The following CNTNAP2 variants were observed in gnomAD, a reference collection of about 807,000 sequenced individuals.
CNTNAP2 encodes contactin associated protein 2.
Under a neutral mutation model 155.2 loss-of-function variants are expected in CNTNAP2, and 98 were observed. The observed-to-expected ratio is 0.63, with a 90% CI of 0.54 to 0.75. CNTNAP2 has a LOEUF of 0.75. CNTNAP2 is among the 30% of genes least tolerant of loss of function. CNTNAP2 has a pLI of 0.00. For missense variants in CNTNAP2, 1,727 were observed against 1,688.1 expected, an observed-to-expected ratio of 1.02 and a Z score of -0.40; for synonymous variants, 651 against 631.2, an observed-to-expected ratio of 1.03 and a Z score of -0.47.
intron 1 of CNTNAP2, among the ~76,000 whole-genome samples, chr7:146,371,582 G>A (rs1406212285): frequency 1.3e-5 from 2 of 151,362 alleles, no homozygotes; most frequent in East Asian, 2.0e-4. Context: ...TTTCACCATG[G>A]TCTCGATCTC....
chr7:148,260,699 C>T (rs1796542342), intron 20 of CNTNAP2, among the ~76,000 whole-genome samples: 1 of 152,182 alleles, frequency 6.6e-6, no homozygotes, highest in South Asian at 2.1e-4. Flanking sequence ...TGAGGGAGCC[C>T]ATCCAGGGAC....
chr7:147,032,169 C>T (rs570197263), intron 3 of CNTNAP2, among the ~76,000 whole-genome samples: 50 of 152,246 alleles, frequency 3.3e-4, no homozygotes, highest in Non-Finnish European at 5.3e-4. Flanking sequence ...AAAAAAATGA[C>T]GTATTGCTCC....
intron 4 of CNTNAP2, among the ~76,000 whole-genome samples, chr7:147,102,971 T>C (rs1800685814): frequency 6.6e-6 from 1 of 152,188 alleles, no homozygotes; most frequent in Non-Finnish European, 1.5e-5. Context: ...TTCATCTGAC[T>C]ATTGAAACCT....
At chr7:146,703,446 A>C (rs1160618759) in intron 1 of CNTNAP2, among the ~76,000 whole-genome samples, 1 of 152,158 alleles carries the variant, frequency 6.6e-6, no homozygotes, top group African/African-American at 2.4e-5. Context: ...AATATTAATT[A>C]GTCTCCAAAC....
At chr7:147,457,507 T>TTGG (rs979282983) in intron 10 of CNTNAP2, among the ~76,000 whole-genome samples, 11 of 494 alleles carry the variant, frequency 0.022, no homozygotes, top group African/African-American at 0.12. Context: ...TACTGTATAT[T>TTGG]TAGTTCATAA....
At chr7:146,569,293 A>G (rs1798405559) in intron 1 of CNTNAP2, among the ~76,000 whole-genome samples, 1 of 152,164 alleles carries the variant, frequency 6.6e-6, no homozygotes, top group Non-Finnish European at 1.5e-5. Context: ...TGTTGGGATT[A>G]CAGGCGTGAG....
intron 1 of CNTNAP2, among the ~76,000 whole-genome samples, chr7:146,654,846 G>T (rs1241880005): frequency 1.3e-5 from 2 of 152,028 alleles, no homozygotes; most frequent in African/African-American, 4.8e-5. Flanking sequence ...TTTGTTATGA[G>T]ATCATATTAT....
At chr7:146,455,525 C>T (rs1044063266) in intron 1 of CNTNAP2, among the ~76,000 whole-genome samples, 3 of 152,134 alleles carry the variant, frequency 2.0e-5, no homozygotes, top group East Asian at 3.9e-4. Flanking sequence ...GGTCAGGCAT[C>T]TGGTTAAGGA....
chr7:146,399,797 C>T (rs762160353), intron 1 of CNTNAP2, among the ~76,000 whole-genome samples: 3 of 152,088 alleles, frequency 2.0e-5, no homozygotes, highest in Non-Finnish European at 4.4e-5. Flanking sequence ...GTGTACAGGG[C>T]TCCCCACCGC....
chr7:147,418,266 C>A (rs1295528120), intron 10 of CNTNAP2, among the ~76,000 whole-genome samples: 1 of 152,158 alleles, frequency 6.6e-6, no homozygotes, highest in East Asian at 1.9e-4. Context: ...AATGAAAGCA[C>A]AGCTTTTACT....
At chr7:146,121,354 CAT>C (rs779390989) in intron 1 of CNTNAP2, among the ~76,000 whole-genome samples, 5 of 151,924 alleles carry the variant, frequency 3.3e-5, no homozygotes, top group Non-Finnish European at 7.4e-5. Flanking sequence ...CATGTCTACA[CAT>C]GTCATCTGTT....
intron 21 of CNTNAP2, among the ~76,000 whole-genome samples, chr7:148,309,184 A>C (rs191920206): frequency 6.6e-6 from 1 of 152,176 alleles, no homozygotes; most frequent in Non-Finnish European, 1.5e-5. Flanking sequence ...ATTCTTCTCT[A>C]TACAGGGAAA....
At chr7:147,283,994 A>G (rs182987242) in intron 8 of CNTNAP2, among the ~76,000 whole-genome samples, 5 of 150,758 alleles carry the variant, frequency 3.3e-5, no homozygotes, top group Admixed American at 2.0e-4. Flanking sequence ...CATTTTCCAC[A>G]TGTAATTTTC....
intron 1 of CNTNAP2, among the ~76,000 whole-genome samples, chr7:146,455,675 C>G (rs953782101): frequency 7.2e-5 from 11 of 152,248 alleles, no homozygotes; most frequent in African/African-American, 2.6e-4. Context: ...AAAATAAAAA[C>G]TCATTTTACA....
chr7:146,338,473 G>C (rs1801317239), intron 1 of CNTNAP2, among the ~76,000 whole-genome samples: 1 of 152,132 alleles, frequency 6.6e-6, no homozygotes, highest in Non-Finnish European at 1.5e-5. Context: ...ACCATCAATA[G>C]AGGATTACTC....
At chr7:148,036,865 T>C (rs752273503) in intron 15 of CNTNAP2, among the ~76,000 whole-genome samples, 1 of 152,148 alleles carries the variant, frequency 6.6e-6, no homozygotes, top group East Asian at 1.9e-4. Flanking sequence ...AGTCAACATA[T>C]AGAACACATA....
At chr7:146,475,031 A>G (rs1156368220) in intron 1 of CNTNAP2, among the ~76,000 whole-genome samples, 1 of 152,014 alleles carries the variant, frequency 6.6e-6, no homozygotes, top group African/African-American at 2.4e-5. Context: ...ACACACACAC[A>G]CACACACACG....
intron 2 of CNTNAP2, among the ~76,000 whole-genome samples, chr7:146,830,160 A>T (rs943423932): frequency 2.6e-5 from 4 of 152,044 alleles, no homozygotes; most frequent in Admixed American, 1.3e-4. Flanking sequence ...TAGCTAGTAC[A>T]TTTTGAGTCC....
intron 1 of CNTNAP2, among the ~76,000 whole-genome samples, chr7:146,446,824 C>T (rs879565256): frequency 1.3e-5 from 2 of 151,980 alleles, no homozygotes; most frequent in African/African-American, 2.4e-5. Context: ...TATTCCATCG[C>T]TTTTATTGTT....
Sources: allele counts gnomAD v4.1 joint callset (sites outside exome capture counted in the v4.1 genomes callset), GRCh38; gene constraint gnomAD v4.1.1; transcripts MANE v1.5; gene names NCBI Gene and HGNC (gene_info 2026-07-23, HGNC 2026-07-21).